The following USP44 variants were observed in gnomAD, a reference collection of about 807,000 sequenced individuals.
The protein encoded by USP44 is ubiquitin carboxyl-terminal hydrolase 44.
A neutral mutation model predicts 69.0 loss-of-function variants in USP44; 61 were observed. The ratio of observed to expected loss-of-function variants is 0.88; its 90% CI spans 0.72 to 1.09. The LOEUF (loss-of-function observed/expected upper bound fraction) is 1.09. Ranked by LOEUF, USP44 falls within the 50% of genes least tolerant of loss-of-function variation. The pLI, the probability that USP44 is intolerant of heterozygous loss-of-function variation, is 0.00. For synonymous variants in USP44, 297 were observed against 295.4 expected (o/e 1.01, Z -0.06); for missense variants, 753 against 849.9 (o/e 0.89, Z 1.42).
Position 95,548,099 on chromosome 12 carries a change from T to C in USP44, c.-71+3173A>G, listed in dbSNP as rs1565846425. ...CTTTCCCATCGAAGGCCATCGGGAA[T>C]GGCTTTAGGAAGCTGATTTTCAAGC... On this transcript the variant is annotated intron_variant, in intron 1 of 5. Transcript: ENST00000258499. This position sits in a 1 kb window ranked among gnomAD's most constrained non-coding sequence, Gnocchi z 4.1. The C allele has an allele frequency of 6.6e-6, 1 of 152,202 alleles. No individual in the cohort carries two copies. The highest frequency in any genetic ancestry group is 2.4e-5 in the African/African-American group (1 of 41,460). 9.4% of individuals were successfully genotyped at this position (152,202 alleles called of 1,614,324 possible). A position where few individuals can be genotyped will look rare whatever the true frequency, so the allele number is the denominator to read the frequency against.
In USP44 at chr12:95,548,421, C is replaced by G. The variant is rs953658712; in HGVS notation, c.-71+2851G>C. 2 of 152,738 alleles carry G rather than the reference C, an allele frequency of 1.3e-5. No homozygotes were observed. Among genetic ancestry groups the G allele is most frequent in the Non-Finnish European group, 2.9e-5 (2 of 68,478 alleles). 9.5% of individuals were successfully genotyped at this position (152,738 alleles called of 1,614,324 possible). The stretch of plus-strand genomic sequence containing the variant: ...AGTCCCCGAAGCCCTCGCCCGCGCC[C>G]GTTCTCCCCCAGCTCGCCCCCTCCA... On this transcript the variant is annotated intron_variant, in intron 1 of 5. Coordinates refer to ENST00000258499, the MANE Select transcript of USP44 (RefSeq NM_032147.5). This position sits in a 1 kb window ranked among gnomAD's most constrained non-coding sequence, Gnocchi z 4.1.
chr12:95,518,670 T>TG (rs1236378691), intron 5 of USP44, among the ~76,000 whole-genome samples: 1 of 152,168 alleles, frequency 6.6e-6, no homozygotes, highest in East Asian at 1.9e-4. Context: ...CCAGGCATGG[T>TG]GGCTCATGCC....
Position 95,548,890 on chromosome 12 carries a change from CT to C in USP44, c.-71+2381del, listed in dbSNP as rs1323860019. Reference sequence around the variant, plus strand: ...CGTGACGCGCAGCAGGCCCCGCCCCCTCCCACAGCCCCACCCCTGCGCCGGC... The same window carrying C: ...CGTGACGCGCAGCAGGCCCCGCCCCCCCCACAGCCCCACCCCTGCGCCGGC... On this transcript the variant is annotated intron_variant, in intron 1 of 5. Transcript: ENST00000258499. The surrounding 1 kb of genome is among the most constrained non-coding windows in gnomAD (Gnocchi z 4.1). 2.6e-5 allele frequency: 4 copies of C among 152,130 alleles called. No homozygotes were observed. The highest frequency in any genetic ancestry group is 4.4e-5 in the Non-Finnish European group (3 of 68,014). 9.4% of individuals were successfully genotyped at this position (152,130 alleles called of 1,614,324 possible).
intron 1 of USP44, among the ~76,000 whole-genome samples, chr12:95,543,578 C>T (rs951849829): frequency 4.6e-5 from 7 of 151,972 alleles, no homozygotes; most frequent in Non-Finnish European, 8.8e-5. Context: ...AAAAAATCCA[C>T]GCGTGGCAGT....
intron 3 of USP44, among the ~76,000 whole-genome samples, chr12:95,527,894 A>G (rs1277259214): frequency 1.4e-5 from 2 of 138,670 alleles, no homozygotes; most frequent in African/African-American, 5.4e-5. Context: ...GCTGGAGTGC[A>G]GTGGCACAAT....
chr12:95,545,901 C>G (rs914034945), intron 1 of USP44, among the ~76,000 whole-genome samples: 1 of 152,140 alleles, frequency 6.6e-6, no homozygotes, highest in Non-Finnish European at 1.5e-5. Context: ...GATCTAGAAT[C>G]TATAATTACC....
At chr12:95,526,190 G>T (rs778820426) in intron 3 of USP44, among the ~76,000 whole-genome samples, 3 of 152,146 alleles carry the variant, frequency 2.0e-5, no homozygotes, top group Non-Finnish European at 4.4e-5. Context: ...CCCAAATTTG[G>T]TGATGAAAGC....
At chr12:95,522,145 T>C in intron 4 of USP44, 1 of 977,896 alleles carries the variant, frequency 1.0e-6, no homozygotes. Flanking sequence ...TGTAACATGG[T>C]AGTTCAAGAG....
In USP44 at chr12:95,548,744, C is replaced by G. The variant is rs185460741; in HGVS notation, c.-71+2528G>C. On this transcript the variant is annotated intron_variant, in intron 1 of 5. Transcript: ENST00000258499. The surrounding 1 kb of genome is among the most constrained non-coding windows in gnomAD (Gnocchi z 4.1). Reference sequence around the variant, plus strand: ...GGGGTCCTCACTCCGCCAATCGCCGCGGCCGCGCGCCCTCGCGCACACTCA... The same window carrying G: ...GGGGTCCTCACTCCGCCAATCGCCGGGGCCGCGCGCCCTCGCGCACACTCA... 1 of 149,484 alleles carries G rather than the reference C, an allele frequency of 6.7e-6. No homozygotes were observed. The highest frequency in any genetic ancestry group is 2.5e-5 in the African/African-American group (1 of 39,992). The allele number at this position is 149,484 out of a possible 1,614,324, so 9.3% of individuals were successfully genotyped here. A position where few individuals can be genotyped will look rare whatever the true frequency, so the allele number is the denominator to read the frequency against.
intron 5 of USP44, among the ~76,000 whole-genome samples, chr12:95,519,432 A>AT (rs60940181): frequency 0.069 from 5,789 of 84,496 alleles, 510 homozygotes; most frequent in Non-Finnish European, 0.095. Flanking sequence ...CTCAATCTGT[A>AT]TTTTTTTTTT....
chr12:95,538,854 C>T (rs1339547654), intron 1 of USP44, among the ~76,000 whole-genome samples: 4 of 152,248 alleles, frequency 2.6e-5, no homozygotes, highest in Admixed American at 2.6e-4. Context: ...TTTCTTGACA[C>T]TTCCTATATT....
intron 1 of USP44, among the ~76,000 whole-genome samples, chr12:95,541,592 C>T (rs564063673): frequency 6.6e-6 from 1 of 151,552 alleles, no homozygotes; most frequent in Non-Finnish European, 1.5e-5. Context: ...AAAAACAAAA[C>T]AAAAAAAAGT....
chr12:95,534,303 C>T lies in USP44; in HGVS notation c.-47G>A. ...TGCATAATCCAAACAAGTCTCTGTT[C>T]ACAACACTTGAAGCATCTGAAAACT... On this transcript the variant is annotated 5_prime_UTR_variant, in exon 2 of 6. The change abolishes the stop of an existing upstream ORF in the 5' untranslated region. Coordinates refer to ENST00000258499, the MANE Select transcript of USP44 (RefSeq NM_032147.5). 4 of 1,525,766 alleles carry T rather than the reference C, an allele frequency of 2.6e-6. No homozygotes were observed. In the South Asian group the frequency reaches 3.7e-5, roughly 14 times the overall value. The allele number at this position is 1,525,766 out of a possible 1,614,324, so 94.5% of individuals were successfully genotyped here.
chr12:95,540,437 G>C (rs2077351093), intron 1 of USP44, among the ~76,000 whole-genome samples: 2 of 150,978 alleles, frequency 1.3e-5, no homozygotes, highest in South Asian at 4.2e-4. Flanking sequence ...CTGCCTCCTG[G>C]GTTCAAGTGA....
In USP44 at chr12:95,528,996, A is replaced by C; in HGVS notation, c.1435T>G (p.Cys479Gly). Residue 479 changes from cysteine to glycine, a missense_variant, in exon 3 of 6, where the codon TGT becomes GGT. Cys to Gly is a radical substitution (Grantham distance 159). Transcript: ENST00000258499. ...FHGQLLSQVT[C>G]LACDNKSNTI... ...TTTGATTTGTTGTCACATGCAAGAC[A>C]TGTAACCTGCAAATGAGAATATGAG... is the stretch of plus-strand genomic sequence containing the variant. 1 of 1,608,454 alleles carries C rather than the reference A, an allele frequency of 6.2e-7. No homozygotes were observed. Among genetic ancestry groups the C allele is most frequent in the South Asian group, 1.1e-5 (1 of 89,900 alleles).
intron 1 of USP44, among the ~76,000 whole-genome samples, chr12:95,539,514 C>A (rs1003801352): frequency 6.6e-6 from 1 of 152,160 alleles, no homozygotes; most frequent in African/African-American, 2.4e-5. Context: ...GCATGAGTCA[C>A]CGCGCCCGGC....
chr12:95,533,732 C>A lies in USP44; in HGVS notation c.525G>T (p.Lys175Asn). 6.2e-7 allele frequency: 1 copy of A among 1,614,028 alleles called. No homozygotes were observed. Among genetic ancestry groups the A allele is most frequent in the Non-Finnish European group, 8.5e-7 (1 of 1,180,008 alleles). Residue 175 changes from lysine (K) to asparagine (N), a missense_variant, in exon 2 of 6, where the codon AAG becomes AAT. Physicochemically the swap from Lys to Asn is moderately conservative, Grantham distance 94 (BLOSUM62 0). Transcript: ENST00000258499. ...WFEQSPIGRK[K>N]QEEPFQEKIV... ...TTTTTTCCTGAAATGGTTCTTCTTG[C>A]TTTTTTCTTCCAATGGGTGATTGTT...
At position 95,520,718 on chromosome 12, in the gene USP44, G is replaced by T. The variant is rs145178455; in HGVS notation, c.1939+279C>A. Among the ~76,000 whole-genome samples the T allele has an allele frequency of 1.4e-3, 213 of 152,274 alleles. 1 individual carries two copies. Among genetic ancestry groups the T allele is most frequent in the African/African-American group, 4.7e-3 (195 of 41,558 alleles). On this transcript the variant is annotated intron_variant, in intron 5 of 5. Coordinates refer to ENST00000258499, the MANE Select transcript of USP44 (RefSeq NM_032147.5). Reference sequence around the variant, plus strand: ...AAACATACGATCTGCTTTTTGAAGTGTGTCTTTAAGAAAAGTTAACACTCT... The same window carrying T: ...AAACATACGATCTGCTTTTTGAAGTTTGTCTTTAAGAAAAGTTAACACTCT...
rs1473190250 is a variant in USP44, at chr12:95,533,439, G to A, written c.818C>T (p.Thr273Ile). 1 of 1,614,054 alleles carries A rather than the reference G, an allele frequency of 6.2e-7. No homozygotes were observed. Among genetic ancestry groups the A allele is most frequent in the Non-Finnish European group, 8.5e-7 (1 of 1,179,974 alleles). ...AGTATTTCCCAAATTTCTCAATCCT[G>A]TTACACCAGGAGTTACTATTGGCCT... ...KRRPIVTPGV[T>I]GLRNLGNTCY... Residue 273 changes from threonine (T) to isoleucine (I), a missense_variant, in exon 2 of 6, where the codon ACA becomes ATA. Transcript: ENST00000258499.
Sources: allele counts gnomAD v4.1 joint callset (sites outside exome capture counted in the v4.1 genomes callset), GRCh38; gene constraint gnomAD v4.1.1; non-coding constraint Gnocchi (gnomAD v3.1); transcripts MANE v1.5; gene names NCBI Gene and HGNC (gene_info 2026-07-23, HGNC 2026-07-21).